Variants in OTP observed in about 807,000 individuals in gnomAD.
OTP encodes homeobox protein orthopedia.
Under a neutral mutation model 22.3 loss-of-function variants are expected in OTP, and 5 were observed. The ratio of observed to expected loss-of-function variants is 0.22; its 90% CI spans 0.12 to 0.47. OTP has a LOEUF of 0.47. OTP is among the 20% of genes least tolerant of loss of function. The probability of loss-of-function intolerance (pLI) is 0.99; values close to 1 mark genes in which losing one functional copy is unlikely to be tolerated. For missense variants in OTP, 428 were observed against 456.2 expected, an observed-to-expected ratio of 0.94 and a Z score of 0.56; for synonymous variants, 229 against 210.6, an observed-to-expected ratio of 1.09 and a Z score of -0.76.
intron 2 of OTP, among the ~76,000 whole-genome samples, chr5:77,633,521 A>T (rs1368380218): frequency 6.6e-6 from 1 of 152,142 alleles, no homozygotes; most frequent in Non-Finnish European, 1.5e-5. Flanking sequence ...ACAGATGACA[A>T]CTCCAGGAAA....
At chr5:77,638,349 A>AT (rs953357574) in intron 1 of OTP, among the ~76,000 whole-genome samples, 164 bp downstream of exon 1, 171 of 151,698 alleles carry the variant, frequency 1.1e-3, no homozygotes, top group African/African-American at 3.0e-3. Context: ...TATTCCATAG[A>AT]TTTTTTTTTA....
chr5:77,636,672 G>T, intron 2 of OTP, 149 bp downstream of exon 2: 1 of 723,034 alleles, frequency 1.4e-6, no homozygotes, highest in Non-Finnish European at 2.2e-6. Context: ...CAGTTTCCGG[G>T]TAGAGAAGGA....
Position 77,630,120 on chromosome 5 carries a change from A to G in OTP, c.*144T>C. The G allele has an allele frequency of 2.8e-6, 1 of 356,296 alleles. No homozygotes were observed. The highest frequency in any genetic ancestry group is 4.5e-6 in the Non-Finnish European group (1 of 223,348). 22.1% of individuals were successfully genotyped at this position (356,296 alleles called of 1,614,324 possible). ...GCTTGGGGTGAGCCCGAGCGAGTGG[A>G]GGAGAGAGGCGAGGACGAAACGAGA... On this transcript the variant is annotated 3_prime_UTR_variant, in exon 3 of 3. Transcript: ENST00000306422.
chr5:77,637,056 G>A lies in OTP; in HGVS notation c.212C>T (p.Ala71Val), dbSNP rs185198254. ...GTCTTTGGCGCTCACCGCCAGCGAG[G>A]CCGGAGTAGAGCCCACTGTGGTGAT... ...EDITTVGSTP[A>V]SLAVSAKDPD... The change falls in exon 2 of 3, where the codon GCC becomes GTC. Residue 71 changes from alanine (A) to valine (V), a missense_variant. Ala to Val is a moderately conservative substitution (Grantham distance 64, BLOSUM62 0). Transcript: ENST00000306422. The A allele has an allele frequency of 1.2e-4, 191 of 1,613,124 alleles. 1 individual carries two copies. The East Asian group carries it at 3.8e-3, about 32-fold the overall frequency.
Position 77,630,376 on chromosome 5 carries a change from C to T in OTP, c.866G>A (p.Gly289Asp). ...CGGGGAGCTGCAGAGCTGGGGCGAA[C>T]CGGAGACGTTGCTGGGGCCGGGGAG... ...ASLPGPSNVS[G>D]SPQLCSSPDS... The change falls in exon 3 of 3, where the codon GGT becomes GAT. Residue 289 changes from glycine (G) to aspartate (D), a missense_variant. By Grantham distance (94) the Gly-to-Asp change is moderately conservative. Around this residue, in one of 3 missense-constraint regions of OTP, gnomAD observed 236 missense variants for 238.1 expected, o/e 0.99. Transcript: ENST00000306422. The T allele has an allele frequency of 6.3e-7, 1 of 1,577,960 alleles. No individual in the cohort carries two copies. Among genetic ancestry groups the T allele is most frequent in the East Asian group, 2.3e-5 (1 of 43,842 alleles).
chr5:77,638,076 C>G (rs778279934), intron 1 of OTP, among the ~76,000 whole-genome samples: 1 of 151,354 alleles, frequency 6.6e-6, no homozygotes, highest in African/African-American at 2.4e-5. Flanking sequence ...CTCCTTTATG[C>G]CAGATTTTTT....
At chr5:77,636,652 C>G (rs1049158055) in intron 2 of OTP, 169 bp downstream of exon 2, 1 of 629,980 alleles carries the variant, frequency 1.6e-6, no homozygotes, top group Non-Finnish European at 2.7e-6. Flanking sequence ...TGGGGGATGG[C>G]GATGGGGACC....
intron 2 of OTP, among the ~76,000 whole-genome samples, chr5:77,633,636 A>G (rs1744962164): frequency 1.3e-5 from 2 of 152,258 alleles, no homozygotes; most frequent in Admixed American, 1.3e-4. Flanking sequence ...GTTGGAATCT[A>G]AAAATCCACT....
At position 77,635,327 on chromosome 5, in the gene OTP, AT is replaced by A. The variant is rs1744990077; in HGVS notation, c.447+1493del. On this transcript the variant is annotated intron_variant, in intron 2 of 2. Coordinates refer to ENST00000306422, the MANE Select transcript of OTP (RefSeq NM_032109.3). ...TAAAGGTTTAAACTCAACTTCAGATATTTTTTAAAAGGTGAAAAATAAAAAT... is the reference window on the plus strand; with the variant it reads ...TAAAGGTTTAAACTCAACTTCAGATATTTTTAAAAGGTGAAAAATAAAAAT... Among the ~76,000 whole-genome samples the A allele has an allele frequency of 2.0e-5, 3 of 152,210 alleles. No homozygotes were observed. The South Asian group carries it at 6.2e-4, about 31-fold the overall frequency.
Position 77,630,527 on chromosome 5 carries a change from A to G in OTP, c.715T>C (p.Cys239Arg). 3.1e-6 allele frequency: 5 copies of G among 1,588,056 alleles called. No individual in the cohort carries two copies. Among genetic ancestry groups the G allele is most frequent in the Non-Finnish European group, 4.3e-6 (5 of 1,170,208 alleles). ...GGCGGCGGACCGGCCGCCAGGCTGC[A>G]CTGGGACAGCGACTGCGCCATGGCC... ...QQAMAQSLSQ[C>R]SLAAGPPPNS... Residue 239 changes from cysteine (C) to arginine (R), a missense_variant, in exon 3 of 3, where the codon TGC (cysteine) becomes CGC (arginine). Around this residue, in one of 3 missense-constraint regions of OTP, gnomAD observed 236 missense variants for 238.1 expected, o/e 0.99. Transcript: ENST00000306422.
At chr5:77,638,462 A>G (rs1745043666) in intron 1 of OTP, 51 bp downstream of exon 1, 2 of 1,545,190 alleles carry the variant, frequency 1.3e-6, no homozygotes, top group East Asian at 2.4e-5. Flanking sequence ...CAAATTGACA[A>G]TTTCCTGCCC....
intron 2 of OTP, chr5:77,636,306 C>T (rs1717283134): frequency 6.5e-6 from 1 of 153,110 alleles, no homozygotes; most frequent in African/African-American, 2.4e-5. Context: ...GAGGGTGATA[C>T]TTAAGGTAAT....
At chr5:77,637,977 G>C (rs1197208828) in intron 1 of OTP, among the ~76,000 whole-genome samples, 1 of 152,192 alleles carries the variant, frequency 6.6e-6, no homozygotes, top group Non-Finnish European at 1.5e-5. Context: ...GTCCCTTGCA[G>C]AAGAGGGGGG....
rs79500847 is a variant in OTP at position 77,636,633 on chromosome 5, C to T, written c.447+188G>A. The T allele has an allele frequency of 4.3e-3, 2,542 of 586,330 alleles. 69 individuals are homozygous for T. The highest frequency in any genetic ancestry group is 0.042 in the African/African-American group (2,227 of 52,980). 36.3% of individuals were successfully genotyped at this position (586,330 alleles called of 1,614,324 possible). A position where few individuals can be genotyped will look rare whatever the true frequency, so the allele number is the denominator to read the frequency against. Reference sequence around the variant, plus strand: ...CTATACTGGCCGGAGACGGGCCTTGCGTGTCCATTGGGGGATGGCGATGGG... The same window carrying T: ...CTATACTGGCCGGAGACGGGCCTTGTGTGTCCATTGGGGGATGGCGATGGG... On this transcript the variant is annotated intron_variant, in intron 2 of 2. Coordinates refer to ENST00000306422, the MANE Select transcript of OTP (RefSeq NM_032109.3).
intron 2 of OTP, among the ~76,000 whole-genome samples, chr5:77,632,483 T>C (rs1744947105): frequency 6.6e-6 from 1 of 152,058 alleles, no homozygotes; most frequent in Non-Finnish European, 1.5e-5. Flanking sequence ...ACCTATTTAG[T>C]GTTTACTCTG....
chr5:77,633,370 G>GA (rs1315567201), intron 2 of OTP, among the ~76,000 whole-genome samples: 12 of 151,958 alleles, frequency 7.9e-5, no homozygotes, highest in Admixed American at 5.9e-4. Flanking sequence ...CTGGGATTGG[G>GA]AAAAAAAATC....
chr5:77,634,575 C>A (rs1245219264), intron 2 of OTP, among the ~76,000 whole-genome samples: 1 of 152,124 alleles, frequency 6.6e-6, no homozygotes, highest in Non-Finnish European at 1.5e-5. Context: ...GTGTGGCAGT[C>A]TGTTAACTAT....
At chr5:77,631,447 T>C (rs922500055) in intron 2 of OTP, among the ~76,000 whole-genome samples, 2 of 151,942 alleles carry the variant, frequency 1.3e-5, no homozygotes, top group African/African-American at 4.8e-5. Context: ...TTCGTGCTAC[T>C]GCCACAACTC....
chr5:77,638,444 A>C, intron 1 of OTP, 69 bp downstream of exon 1: 2 of 1,473,582 alleles, frequency 1.4e-6, no homozygotes, highest in Non-Finnish European at 1.9e-6. Context: ...TTAAGGTAAA[A>C]TAAGGAACAA....
Sources: allele counts gnomAD v4.1 joint callset (sites outside exome capture counted in the v4.1 genomes callset), GRCh38; gene constraint gnomAD v4.1.1; regional missense constraint gnomAD v4.1.1; transcripts MANE v1.5; gene names NCBI Gene and HGNC (gene_info 2026-07-23, HGNC 2026-07-21).